Variants in ASCC2 observed in about 807,000 individuals in gnomAD.
ASCC2 encodes the protein activating signal cointegrator 1 complex subunit 2.
A neutral mutation model predicts 93.5 loss-of-function variants in ASCC2; 42 were observed. The observed-to-expected ratio is 0.45, with a 90% confidence interval of 0.35 to 0.58. ASCC2 has a LOEUF of 0.58. Among genes scored for constraint, ASCC2 ranks in the 20% least tolerant of loss-of-function variants. The probability of loss-of-function intolerance (pLI) is 0.00; values close to 1 mark genes in which losing one functional copy is unlikely to be tolerated. For synonymous variants in ASCC2, 364 were observed against 384.2 expected (o/e 0.95, Z 0.62); for missense variants, 859 against 977.6 (o/e 0.88, Z 1.62).
Position 29,792,436 on chromosome 22 carries a change from G to C in ASCC2, c.2019C>G (p.Pro673=), listed in dbSNP as rs769097509. The C allele has an allele frequency of 1.2e-6, 2 of 1,613,892 alleles. No homozygotes were observed. The highest frequency in any genetic ancestry group is 8.5e-7 in the Non-Finnish European group (1 of 1,179,858). ...DEEDDADEEA[P]KPDHFVQDPA... ...CTGCTACCTGCCAGGGAGGTACCTT[G>C]GGAGCCTCCTCGTCAGCATCGTCTT... Residue 673 remains proline, a synonymous_variant, in exon 18 of 20, where the codon CCC becomes CCG. Transcript: ENST00000307790.
intron 4 of ASCC2, 139 bp downstream of exon 4, chr22:29,824,948 C>T: frequency 3.4e-6 from 3 of 869,936 alleles, no homozygotes; most frequent in Non-Finnish European, 4.9e-6. Flanking sequence ...CAGATTTCTT[C>T]CCCAACAGTG....
At chr22:29,815,748 C>CA (rs921838829) in intron 6 of ASCC2, among the ~76,000 whole-genome samples, 3 of 152,104 alleles carry the variant, frequency 2.0e-5, no homozygotes, top group African/African-American at 7.2e-5. Flanking sequence ...TGGCAAGCAA[C>CA]AAAAAATGCA....
At chr22:29,824,985 A>G in intron 4 of ASCC2, 102 bp downstream of exon 4, 1 of 1,107,696 alleles carries the variant, frequency 9.0e-7, no homozygotes, top group Non-Finnish European at 1.2e-6. Flanking sequence ...AGAGACAAAG[A>G]GGAAACTCAA....
chr22:29,806,307 G>C lies in ASCC2; in HGVS notation c.1086-17C>G. 1 of 1,613,500 alleles carries C rather than the reference G, an allele frequency of 6.2e-7. No homozygotes were observed. The highest frequency in any genetic ancestry group is 1.1e-5 in the South Asian group (1 of 91,068). On this transcript the variant is annotated splice_polypyrimidine_tract_variant and intron_variant, in intron 11 of 19. Coordinates refer to ENST00000307790, the MANE Select transcript of ASCC2 (RefSeq NM_032204.5). ...CGGAGGAACCTGCAGGCAGATGAGAGCAGATGGGATGGACAGAGCTGGGGC... is the reference window on the plus strand; with the variant it reads ...CGGAGGAACCTGCAGGCAGATGAGACCAGATGGGATGGACAGAGCTGGGGC...
chr22:29,824,973 A>C, intron 4 of ASCC2, 114 bp downstream of exon 4: 1 of 1,027,774 alleles, frequency 9.7e-7, no homozygotes, highest in Non-Finnish European at 1.3e-6. Context: ...TAAAGATGGA[A>C]GAGAGACAAA....
chr22:29,803,349 T>C (rs249394), intron 13 of ASCC2, among the ~76,000 whole-genome samples: 11,820 of 152,242 alleles, frequency 0.078, 509 homozygotes, highest in African/African-American at 0.089. Context: ...ACTTACCAGC[T>C]GGGCTACTGG....
intron 15 of ASCC2, among the ~76,000 whole-genome samples, chr22:29,794,783 G>A (rs2058215937): frequency 1.3e-5 from 2 of 152,118 alleles, no homozygotes; most frequent in South Asian, 4.1e-4. Context: ...TTATTCCCAA[G>A]GAAAACAAGC....
Position 29,825,198 on chromosome 22 carries a change from G to C in ASCC2, c.300C>G (p.Arg100=). The C allele has an allele frequency of 6.4e-7, 1 of 1,562,040 alleles. No individual in the cohort carries two copies. The highest frequency in any genetic ancestry group is 8.7e-7 in the Non-Finnish European group (1 of 1,155,020). Residue 100 remains arginine, a synonymous_variant, in exon 4 of 20, where the codon CGC becomes CGG. Transcript: ENST00000307790. The surrounding 1 kb of genome is among the most constrained non-coding windows in gnomAD (Gnocchi z 4.9). ...CLDSYLRYVP[R]KFDEGVASAP... ...CTGAGGCCACCCCCTCGTCGAATTT[G>C]CGGGGGACATAGCGCAGGTAGGAGT...
intron 19 of ASCC2, 125 bp downstream of exon 19, chr22:29,790,344 G>T: frequency 1.1e-6 from 1 of 909,514 alleles, no homozygotes; most frequent in Non-Finnish European, 1.7e-6. Context: ...ACTTCACTGG[G>T]TTGTCGTGAG....
rs998426166 is a variant in ASCC2, at chr22:29,806,690, C to G, written c.1016+107G>C. ...TTTTTCTTGGTTTCTCATCTCTGTTCAGCCAACCCCAGTGCAGTGGAGGAA... is the reference window on the plus strand; with the variant it reads ...TTTTTCTTGGTTTCTCATCTCTGTTGAGCCAACCCCAGTGCAGTGGAGGAA... On this transcript the variant is annotated intron_variant, in intron 10 of 19. Coordinates refer to ENST00000307790, the MANE Select transcript of ASCC2 (RefSeq NM_032204.5). The G allele has an allele frequency of 4.2e-6, 6 of 1,414,922 alleles. No individual in the cohort carries two copies. In the Admixed American group the frequency reaches 1.1e-4, roughly 26 times the overall value. 87.6% of individuals were successfully genotyped at this position (1,414,922 alleles called of 1,614,324 possible).
intron 4 of ASCC2, 133 bp from the exon 5 acceptor site, chr22:29,822,597 G>C (rs938939055): frequency 1.0e-6 from 1 of 979,706 alleles, no homozygotes; most frequent in Non-Finnish European, 1.5e-6. Flanking sequence ...CATAGACCTG[G>C]AGCAATGGCC....
chr22:29,800,083 G>C (rs1250317112), intron 15 of ASCC2, among the ~76,000 whole-genome samples: 1 of 152,222 alleles, frequency 6.6e-6, no homozygotes, highest in Non-Finnish European at 1.5e-5. Flanking sequence ...GCTGCACCCA[G>C]CCCTGATCTT....
intron 5 of ASCC2, among the ~76,000 whole-genome samples, chr22:29,820,553 G>A (rs1006870372): frequency 6.6e-6 from 1 of 152,080 alleles, no homozygotes; most frequent in Non-Finnish European, 1.5e-5. Context: ...GTTGTTTCTT[G>A]TAGAAATCTG....
At chr22:29,822,622 CTTT>C (rs904304975) in intron 4 of ASCC2, among the ~76,000 whole-genome samples, 158 bp from the exon 5 acceptor site, 3 of 136,670 alleles carry the variant, frequency 2.2e-5, no homozygotes, top group Non-Finnish European at 4.8e-5. Flanking sequence ...TCCCCCCGCC[CTTT>C]TTTTTTTTTT....
chr22:29,828,409 T>C (rs1418780835), intron 2 of ASCC2, among the ~76,000 whole-genome samples: 4 of 152,176 alleles, frequency 2.6e-5, no homozygotes, highest in African/African-American at 9.7e-5. Context: ...AGACATAGTA[T>C]TCATCCCATT....
intron 8 of ASCC2, among the ~76,000 whole-genome samples, 189 bp downstream of exon 8, chr22:29,813,241 A>T (rs563900592): frequency 2.0e-5 from 3 of 152,156 alleles, no homozygotes; most frequent in Admixed American, 6.5e-5. Context: ...CAAAAACAGG[A>T]GTGCTTCTAA....
At chr22:29,795,404 T>A (rs1477329500) in intron 15 of ASCC2, among the ~76,000 whole-genome samples, 1 of 152,176 alleles carries the variant, frequency 6.6e-6, no homozygotes, top group Non-Finnish European at 1.5e-5. Flanking sequence ...AAAATTGTTA[T>A]TCGTTTATTG....
intron 15 of ASCC2, among the ~76,000 whole-genome samples, chr22:29,794,521 A>G (rs1312115948): frequency 1.3e-5 from 2 of 152,056 alleles, no homozygotes; most frequent in African/African-American, 2.4e-5. Flanking sequence ...AAAAGGTAAA[A>G]TGTGCGTACC....
chr22:29,813,602 G>C (rs2060517229), intron 7 of ASCC2, 60 bp from the exon 8 acceptor site: 1 of 1,137,080 alleles, frequency 8.8e-7, no homozygotes, highest in Admixed American at 1.9e-5. Context: ...GATCTGCAGA[G>C]CACCTGAGAC....
Sources: gnomAD v4.1 joint callset for allele counts (sites outside exome capture counted in the v4.1 genomes callset) on GRCh38, gnomAD v4.1.1 for gene constraint, Gnocchi (gnomAD v3.1) non-coding constraint, MANE v1.5 for transcripts, NCBI Gene and HGNC (gene_info 2026-07-23, HGNC 2026-07-21) for gene names.